NRP2: variants seen among roughly 807,000 people sequenced by gnomAD.
NRP2 encodes neuropilin-2.
Under a neutral mutation model 110.4 loss-of-function variants are expected in NRP2, and 52 were observed. The observed-to-expected ratio is 0.47, with a 90% confidence interval of 0.38 to 0.59. The LOEUF is 0.59. Among genes scored for constraint, NRP2 ranks in the 20% least tolerant of loss-of-function variants. The pLI is 0.00. For missense variants in NRP2, 1,049 were observed against 1,203.0 expected (o/e 0.87, Z 1.89); for synonymous variants, 508 against 468.9 (o/e 1.08, Z -1.08).
rs747939121 is a variant in NRP2 at position 205,722,668 on chromosome 2, C to T, written c.624C>T (p.Cys208=). The T allele has an allele frequency of 1.9e-6, 3 of 1,614,154 alleles. No homozygotes were observed. Among genetic ancestry groups the T allele is most frequent in the Admixed American group, 1.7e-5 (1 of 60,018 alleles). ...HDPLQVGEGD[C]KYDWLDIWDG... is the part of the protein sequence containing the mutation. ...CTTTGCAGGTGGGAGAGGGGGACTG[C>T]AAGTACGATTGGCTGGACATCTGGG... The change falls in exon 4 of 17, where the codon TGC becomes TGT. Residue 208 remains cysteine, a synonymous_variant. Coordinates refer to ENST00000357785, the MANE Select transcript of NRP2 (RefSeq NM_003872.3).
At chr2:205,752,490 G>A in intron 11 of NRP2, 2 of 347,576 alleles carry the variant, frequency 5.8e-6, no homozygotes, top group South Asian at 4.8e-5. Context: ...GCACTGGGGA[G>A]ACATTCTTCT....
At chr2:205,715,467 GT>G (rs2056876127) in intron 2 of NRP2, among the ~76,000 whole-genome samples, 1 of 152,186 alleles carries the variant, frequency 6.6e-6, no homozygotes, top group Non-Finnish European at 1.5e-5. Flanking sequence ...TTGGAGAAAG[GT>G]TTTTATCGCC....
At chr2:205,756,381 A>G (rs2057735300) in intron 12 of NRP2, 2 of 152,216 alleles carry the variant, frequency 1.3e-5, no homozygotes. Flanking sequence ...ACATAGACAG[A>G]GTTTTGAGAA....
At chr2:205,698,749 G>A (rs746697065) in intron 2 of NRP2, among the ~76,000 whole-genome samples, 1 of 152,184 alleles carries the variant, frequency 6.6e-6, no homozygotes, top group Non-Finnish European at 1.5e-5. Flanking sequence ...GAGCGCCTAC[G>A]GAATGCTGTT....
chr2:205,737,985 A>G (rs568552007), intron 7 of NRP2, among the ~76,000 whole-genome samples: 11 of 152,326 alleles, frequency 7.2e-5, no homozygotes, highest in Non-Finnish European at 7.4e-5. Context: ...CCGCCATCCC[A>G]AAGACAGTCC....
In NRP2 at chr2:205,749,824, A is replaced by G; in HGVS notation, c.1886A>G (p.Asn629Ser). Residue 629 changes from asparagine (N) to serine (S), a missense_variant, in exon 11 of 17, where the codon AAC becomes AGC. Asn to Ser is a conservative substitution (Grantham distance 46). Transcript: ENST00000357785. ...TEEEATECGE[N>S]CSFEDDKDLQ... ...GAGGAGGCCACAGAGTGTGGGGAGA[A>G]CTGCAGCTTTGAGGATGGTAAGCAC... 2 of 1,612,050 alleles carry G rather than the reference A, an allele frequency of 1.2e-6. No homozygotes were observed. The highest frequency in any genetic ancestry group is 1.7e-6 in the Non-Finnish European group (2 of 1,178,582).
rs916845537 is a variant in NRP2, at chr2:205,745,602, A to G, written c.1642-144A>G. On this transcript the variant is annotated intron_variant, in intron 9 of 16. Coordinates refer to ENST00000357785, the MANE Select transcript of NRP2 (RefSeq NM_003872.3). ...TGAAAATGAAGCTCGCGTGGATCAG[A>G]ATGTCCCAGTGACCAGGAATCAACT... The G allele has an allele frequency of 2.9e-5, 25 of 855,130 alleles. No homozygotes were observed. In the African/African-American group the frequency reaches 3.7e-4, roughly 13 times the overall value. The allele number at this position is 855,130 out of a possible 1,614,324, so 53.0% of individuals were successfully genotyped here. A position where few individuals can be genotyped will look rare whatever the true frequency, so the allele number is the denominator to read the frequency against.
intron 15 of NRP2, among the ~76,000 whole-genome samples, chr2:205,787,216 G>A (rs1342836359): frequency 6.6e-6 from 1 of 152,134 alleles, no homozygotes; most frequent in Non-Finnish European, 1.5e-5. Context: ...ATGGGAGGTA[G>A]GCATTCCGCC....
rs753261998 is a variant in NRP2, at chr2:205,743,265, G to A, written c.1354G>A (p.Ala452Thr). Reference protein sequence around the residue: ...SGLIADSQISASSTQEYLWSP... With the variant: ...SGLIADSQISTSSTQEYLWSP... The stretch of plus-strand genomic sequence containing the variant: ...CCTCATTGCAGACTCCCAGATCTCC[G>A]CCTCTTCCACCCAGGAATACCTCTG... The change falls in exon 9 of 17, where the codon GCC becomes ACC. Residue 452 changes from alanine to threonine, a missense_variant. Ala to Thr is a moderately conservative substitution (Grantham distance 58, BLOSUM62 0). Transcript: ENST00000357785. 28 of 1,614,030 alleles carry A rather than the reference G, an allele frequency of 1.7e-5. No homozygotes were observed. Among genetic ancestry groups the A allele is most frequent in the East Asian group, 4.5e-5 (2 of 44,874 alleles).
At chr2:205,720,535 G>C (rs1424817152) in intron 3 of NRP2, among the ~76,000 whole-genome samples, 4 of 152,150 alleles carry the variant, frequency 2.6e-5, no homozygotes, top group Middle Eastern at 3.2e-3. Context: ...AGCTCTAAGA[G>C]GGCATGTCAG....
At chr2:205,736,042 T>C (rs185592694) in intron 7 of NRP2, among the ~76,000 whole-genome samples, 35 of 152,272 alleles carry the variant, frequency 2.3e-4, no homozygotes, top group Admixed American at 2.3e-3. Flanking sequence ...ATCTTTCTTT[T>C]AAAACAAATA....
chr2:205,716,147 C>T (rs747518465), intron 2 of NRP2, 46 bp from the exon 3 acceptor site: 2 of 1,593,168 alleles, frequency 1.3e-6, no homozygotes, highest in Non-Finnish European at 1.7e-6. Context: ...TGGTCCTTCT[C>T]ATGTCCTTCG....
At chr2:205,730,266 G>A (rs1559332674) in intron 7 of NRP2, among the ~76,000 whole-genome samples, 1 of 152,048 alleles carries the variant, frequency 6.6e-6, no homozygotes, top group African/African-American at 2.4e-5. Flanking sequence ...GTGCGTCAGC[G>A]CAGCTCTCTG....
intron 1 of NRP2, among the ~76,000 whole-genome samples, chr2:205,688,136 T>C (rs1414768367): frequency 1.3e-5 from 2 of 152,214 alleles, no homozygotes; most frequent in South Asian, 2.1e-4. Flanking sequence ...TCTTAAAAGA[T>C]AGAGCAAAAG....
chr2:205,791,744 A>AAAC (rs57582525), intron 15 of NRP2, among the ~76,000 whole-genome samples: 6,571 of 152,314 alleles, frequency 0.043, 236 homozygotes, highest in African/African-American at 0.092. Context: ...TCTTAAATTA[A>AAAC]AACATATAAT....
At chr2:205,744,842 T>C (rs1188493915) in intron 9 of NRP2, among the ~76,000 whole-genome samples, 10 of 152,322 alleles carry the variant, frequency 6.6e-5, no homozygotes, top group Admixed American at 2.0e-4. Context: ...CTTGCATCGA[T>C]GGAGCAGAAG....
chr2:205,720,262 CTTTTTTTT>C (rs202203741), intron 3 of NRP2, among the ~76,000 whole-genome samples: 16,911 of 129,190 alleles, frequency 0.13, 1,453 homozygotes, highest in African/African-American at 0.26. Flanking sequence ...TTTTTTCTTT[CTTTTTTTT>C]TTTTTTTTTT....
intron 15 of NRP2, among the ~76,000 whole-genome samples, chr2:205,789,313 CA>C (rs2058271795): frequency 6.6e-6 from 1 of 152,174 alleles, no homozygotes; most frequent in African/African-American, 2.4e-5. Context: ...TAGAAGGAAA[CA>C]GGGTCATGGG....
At chr2:205,690,088 C>A (rs756300508) in intron 1 of NRP2, among the ~76,000 whole-genome samples, 5 of 152,134 alleles carry the variant, frequency 3.3e-5, no homozygotes, top group Non-Finnish European at 7.3e-5. Context: ...ACAAATCCTG[C>A]GATAACCAGT....
Sources: gnomAD v4.1 joint callset for allele counts (sites outside exome capture counted in the v4.1 genomes callset) on GRCh38, gnomAD v4.1.1 for gene constraint, MANE v1.5 for transcripts, NCBI Gene and HGNC (gene_info 2026-07-23, HGNC 2026-07-21) for gene names.